The following FAR2 variants were observed in gnomAD, a reference collection of about 807,000 sequenced individuals.
The protein encoded by FAR2 is epididymis secretory protein Li 81.
Under a neutral mutation model 56.0 loss-of-function variants are expected in FAR2, and 19 were observed. The ratio of observed to expected loss-of-function variants is 0.34; its 90% CI spans 0.24 to 0.50. The LOEUF (loss-of-function observed/expected upper bound fraction) is 0.50, where lower values mean the gene tolerates loss of function less well. FAR2 is among the 20% of genes least tolerant of loss of function. FAR2 has a pLI of 0.98. For synonymous variants in FAR2, 219 were observed against 218.8 expected (o/e 1.00, Z -0.01); for missense variants, 508 against 642.2 (o/e 0.79, Z 2.26).
intron 2 of FAR2, among the ~76,000 whole-genome samples, chr12:29,282,537 C>A (rs1948804202): frequency 6.6e-6 from 1 of 151,666 alleles, no homozygotes; most frequent in African/African-American, 2.4e-5. Flanking sequence ...TGAATGAATT[C>A]TAACTCACTG....
chr12:29,260,331 C>T (rs1176817976), intron 1 of FAR2, among the ~76,000 whole-genome samples: 1 of 152,116 alleles, frequency 6.6e-6, no homozygotes, highest in Non-Finnish European at 1.5e-5. Context: ...GGAGGAATTC[C>T]TTTTGACATT....
chr12:29,176,114 A>G (rs778309554), intron 1 of FAR2, among the ~76,000 whole-genome samples: 1 of 152,256 alleles, frequency 6.6e-6, no homozygotes, highest in Non-Finnish European at 1.5e-5. Flanking sequence ...TAAACATAGC[A>G]GGAAGTATTT....
Position 29,334,127 on chromosome 12 carries a change from T to C in FAR2, c.*333T>C, listed in dbSNP as rs1949768383. On this transcript the variant is annotated 3_prime_UTR_variant, in exon 12 of 12. Coordinates refer to ENST00000536681, the MANE Select transcript of FAR2 (RefSeq NM_001271783.2). ...TCTGAGATGATTCATTTAAACTCAG[T>C]AAATATGGAAAGATGCATGGCAGAA... 5.7e-6 allele frequency: 1 copy of C among 176,298 alleles called. No homozygotes were observed. Among genetic ancestry groups the C allele is most frequent in the African/African-American group, 2.4e-5 (1 of 42,058 alleles). 10.9% of individuals were successfully genotyped at this position (176,298 alleles called of 1,614,324 possible). A position where few individuals can be genotyped will look rare whatever the true frequency, so the allele number is the denominator to read the frequency against.
intron 1 of FAR2, among the ~76,000 whole-genome samples, chr12:29,173,036 A>T (rs569233125): frequency 6.6e-6 from 1 of 152,312 alleles, no homozygotes; most frequent in South Asian, 2.1e-4. Flanking sequence ...CTAAAGCTGC[A>T]TTCTTTTAAC....
chr12:29,302,120 C>G (rs1249222191), intron 4 of FAR2: 1 of 151,594 alleles, frequency 6.6e-6, no homozygotes, highest in Non-Finnish European at 1.5e-5. Context: ...CTCCCAGCTA[C>G]TCGGGAGGCT....
intron 1 of FAR2, among the ~76,000 whole-genome samples, chr12:29,193,580 C>T (rs951610139): frequency 3.9e-5 from 6 of 152,180 alleles, no homozygotes; most frequent in African/African-American, 9.7e-5. Context: ...CTTGATAGCT[C>T]ATTTCCATTT....
In FAR2 at chr12:29,204,450, G is replaced by A. The variant is rs556895944; in HGVS notation, c.-39+55043G>A. Among the ~76,000 whole-genome samples the A allele has an allele frequency of 2.0e-5, 3 of 152,306 alleles. No individual in the cohort carries two copies. The South Asian group carries it at 6.2e-4, about 32-fold the overall frequency. ...CATTTACTCTACATAGGGTGTTTAA[G>A]AGGGCCTCTATGGGGATGAGGCATT... On this transcript the variant is annotated intron_variant, in intron 1 of 11. Transcript: ENST00000536681.
chr12:29,149,928 G>C (rs1246410378), intron 1 of FAR2, among the ~76,000 whole-genome samples: 1 of 152,172 alleles, frequency 6.6e-6, no homozygotes, highest in Non-Finnish European at 1.5e-5. Context: ...CCCGGAGCAG[G>C]TCCTCGCCAG....
chr12:29,233,074 C>T (rs981060849), intron 1 of FAR2, among the ~76,000 whole-genome samples: 2 of 152,138 alleles, frequency 1.3e-5, no homozygotes, highest in Non-Finnish European at 2.9e-5. Context: ...ATCTATCAGT[C>T]CCCTCTTGGC....
intron 1 of FAR2, among the ~76,000 whole-genome samples, chr12:29,201,730 T>G (rs1947414881): frequency 6.6e-6 from 1 of 152,242 alleles, no homozygotes; most frequent in Admixed American, 6.5e-5. Context: ...CTGTTTAGTA[T>G]AATAGCCATT....
chr12:29,273,557 C>T (rs1303699025), intron 2 of FAR2, among the ~76,000 whole-genome samples: 1 of 152,188 alleles, frequency 6.6e-6, no homozygotes, highest in Non-Finnish European at 1.5e-5. Flanking sequence ...TGGGTGCCAC[C>T]CTTCCCCTGC....
intron 1 of FAR2, among the ~76,000 whole-genome samples, chr12:29,194,521 CCACACACACACACACACACACACA>C (rs3222956): frequency 7.1e-6 from 1 of 140,792 alleles, no homozygotes; most frequent in South Asian, 2.4e-4. Flanking sequence ...GCTAGTGATG[CCACACACACACACACACACACACA>C]CACACACACA....
intron 1 of FAR2, among the ~76,000 whole-genome samples, chr12:29,200,008 T>A (rs1947386075): frequency 6.6e-6 from 1 of 152,108 alleles, no homozygotes. Context: ...TGGGCTATGA[T>A]AATATATCGA....
chr12:29,207,579 G>A (rs1305548531), intron 1 of FAR2, among the ~76,000 whole-genome samples: 5 of 152,146 alleles, frequency 3.3e-5, no homozygotes, highest in African/African-American at 9.7e-5. Context: ...ACTATGGTTT[G>A]TTCTCGTTTC....
At position 29,270,462 on chromosome 12, in the gene FAR2, G is replaced by A. The variant is rs761857493; in HGVS notation, c.13G>A (p.Ala5Thr). ...AAAGGGAGGAATCATGTCCACAATTGCAGCTTTCTATGGCGGCAAGTCCAT... is the reference window on the plus strand; with the variant it reads ...AAAGGGAGGAATCATGTCCACAATTACAGCTTTCTATGGCGGCAAGTCCAT... Reference protein sequence around the residue: MSTIAAFYGGKSILI... With the variant: MSTITAFYGGKSILI... Residue 5 changes from alanine to threonine, a missense_variant, in exon 2 of 12, where the codon GCA becomes ACA. Transcript: ENST00000536681. The A allele has an allele frequency of 2.5e-6, 4 of 1,585,710 alleles. No homozygotes were observed. Among genetic ancestry groups the A allele is most frequent in the African/African-American group, 1.3e-5 (1 of 74,088 alleles).
intron 1 of FAR2, among the ~76,000 whole-genome samples, chr12:29,162,200 T>A (rs1949787369): frequency 6.6e-6 from 1 of 152,248 alleles, no homozygotes; most frequent in South Asian, 2.1e-4. Context: ...TTTCTAAAAA[T>A]TGTGTTGTTT....
In FAR2 at chr12:29,308,689, GACACACAC is replaced by G. The variant is rs57435586; in HGVS notation, c.724-473_724-466del. Among the ~76,000 whole-genome samples the G allele has an allele frequency of 1.8e-3, 246 of 137,344 alleles. 3 individuals are homozygous for G. Among genetic ancestry groups the G allele is most frequent in the South Asian group, 6.4e-3 (28 of 4,378 alleles). 90.1% of individuals were successfully genotyped at this position (137,344 alleles called of 152,430 possible). The stretch of plus-strand genomic sequence containing the variant: ...AAGTCAATATACACACAGACACACA[GACACACAC>G]ACACACACACACACACACACACATA... On this transcript the variant is annotated intron_variant, in intron 5 of 11. Coordinates refer to ENST00000536681, the MANE Select transcript of FAR2 (RefSeq NM_001271783.2).
At chr12:29,168,892 C>T (rs571424181) in intron 1 of FAR2, among the ~76,000 whole-genome samples, 18 of 152,262 alleles carry the variant, frequency 1.2e-4, no homozygotes, top group Admixed American at 2.6e-4. Context: ...CCTCCCATGT[C>T]CTGCTGATTG....
chr12:29,298,823 T>A (rs10450679), intron 4 of FAR2, among the ~76,000 whole-genome samples: 3 of 151,940 alleles, frequency 2.0e-5, no homozygotes, highest in Non-Finnish European at 2.9e-5. Context: ...TGATTCCAGA[T>A]TGTTTCCTGG....
Sources: gnomAD v4.1 joint callset for allele counts (sites outside exome capture counted in the v4.1 genomes callset) on GRCh38, gnomAD v4.1.1 for gene constraint, MANE v1.5 for transcripts, NCBI Gene and HGNC (gene_info 2026-07-23, HGNC 2026-07-21) for gene names.